Variants in STK3 observed in about 807,000 individuals in gnomAD.
The protein encoded by STK3 is serine/threonine-protein kinase 3.
A neutral mutation model predicts 58.0 loss-of-function variants in STK3; 41 were observed. That is an observed-to-expected ratio of 0.71 (90% CI 0.55 to 0.92). STK3 has a LOEUF of 0.92. Ranked by LOEUF, STK3 falls within the 40% of genes least tolerant of loss-of-function variation. STK3 has a pLI of 0.00. For missense variants in STK3, 479 were observed against 602.7 expected (o/e 0.79, Z 2.15); for synonymous variants, 170 against 191.0 (o/e 0.89, Z 0.91).
In STK3 at chr8:98,781,173, C is replaced by T. The variant is rs1587604064; in HGVS notation, c.27-6354G>A. Among the ~76,000 whole-genome samples the T allele has an allele frequency of 5.9e-5, 9 of 152,278 alleles. No individual in the cohort carries two copies. In the South Asian group the frequency reaches 1.4e-3, roughly 25 times the overall value. Reference sequence around the variant, plus strand: ...GAAGAAATAAGATGAGCCCTGCCATCGCCCAGGCTTTAGATCTAGAGACTA... The same window carrying T: ...GAAGAAATAAGATGAGCCCTGCCATTGCCCAGGCTTTAGATCTAGAGACTA... On this transcript the variant is annotated intron_variant, in intron 1 of 10. Coordinates refer to ENST00000419617, the MANE Select transcript of STK3 (RefSeq NM_006281.4).
chr8:98,832,194 C>T (rs1052272616), intron 3 of STK3, among the ~76,000 whole-genome samples: 10 of 149,464 alleles, frequency 6.7e-5, no homozygotes, highest in Non-Finnish European at 1.0e-4. Context: ...AAGAATGAGA[C>T]GGATTGGCTA....
At chr8:98,882,139 A>C (rs901218028), downstream of STK3, 1 of 152,206 alleles carries the variant, frequency 6.6e-6, no homozygotes, top group Non-Finnish European at 1.5e-5. Context: ...AAATTTATCC[A>C]TGACTTATTC....
intron 4 of STK3, among the ~76,000 whole-genome samples, chr8:98,737,448 A>G (rs1175783467): frequency 1.3e-5 from 2 of 152,224 alleles, no homozygotes; most frequent in African/African-American, 4.8e-5. Flanking sequence ...GTCACACAGG[A>G]TTATTAACTG....
chr8:98,372,707 A>C (rs1463977499), intron 2 of STK3, among the ~76,000 whole-genome samples: 1 of 152,202 alleles, frequency 6.6e-6, no homozygotes, highest in Non-Finnish European at 1.5e-5. Flanking sequence ...CAGTCTGGGG[A>C]ACAGAGGCTC....
At chr8:98,529,689 A>G (rs1826018368) in intron 9 of STK3, among the ~76,000 whole-genome samples, 1 of 152,178 alleles carries the variant, frequency 6.6e-6, no homozygotes, top group African/African-American at 2.4e-5. Context: ...CCATTAGCAA[A>G]ATGTGAGGAA....
At chr8:98,498,883 A>G (rs1231721729) in intron 10 of STK3, among the ~76,000 whole-genome samples, 1 of 152,164 alleles carries the variant, frequency 6.6e-6, no homozygotes, top group African/African-American at 2.4e-5. Context: ...GAGCTGAATA[A>G]TGGTCCCTTG....
chr8:98,410,403 TTATC>T (rs1481831730), intron 3 of STK3, among the ~76,000 whole-genome samples: 22 of 152,312 alleles, frequency 1.4e-4, no homozygotes, highest in Admixed American at 1.2e-3. Flanking sequence ...CTGTGACCCT[TTATC>T]TGTCTGCCTT....
At chr8:98,809,003 T>A (rs1834053580) in intron 1 of STK3, among the ~76,000 whole-genome samples, 1 of 152,130 alleles carries the variant, frequency 6.6e-6, no homozygotes, top group South Asian at 2.1e-4. Context: ...GAAGCCTCCA[T>A]AAAAACCCTA....
intron 6 of STK3, among the ~76,000 whole-genome samples, chr8:98,653,896 C>T (rs1449838253): frequency 6.6e-6 from 1 of 152,162 alleles, no homozygotes; most frequent in African/African-American, 2.4e-5. Context: ...CCTAATTCTA[C>T]CAGAGGTACA....
chr8:98,738,084 T>C (rs983520426), intron 4 of STK3, among the ~76,000 whole-genome samples: 2 of 152,252 alleles, frequency 1.3e-5, no homozygotes, highest in Non-Finnish European at 2.9e-5. Flanking sequence ...TATTCTATGA[T>C]CATGCATTGG....
intron 6 of STK3, among the ~76,000 whole-genome samples, chr8:98,617,785 G>C (rs895167556): frequency 1.3e-5 from 2 of 151,836 alleles, no homozygotes; most frequent in African/African-American, 2.4e-5. Flanking sequence ...TCTCTGAATA[G>C]ACCAATAACA....
intron 3 of STK3, among the ~76,000 whole-genome samples, chr8:98,855,996 A>G (rs547158621): frequency 5.1e-4 from 77 of 152,166 alleles, no homozygotes; most frequent in African/African-American, 1.8e-3. Flanking sequence ...GTCTCTACTA[A>G]AAGTACAAAA....
Position 98,687,227 on chromosome 8 carries a change from G to A in STK3, c.684+19240C>T, listed in dbSNP as rs118135239. Among the ~76,000 whole-genome samples the A allele has an allele frequency of 1.3e-3, 197 of 152,276 alleles. 2 individuals are homozygous for A. Among genetic ancestry groups the A allele is most frequent in the South Asian group, 0.012 (57 of 4,820 alleles). On this transcript the variant is annotated intron_variant, in intron 6 of 10. Transcript: ENST00000419617. Reference sequence around the variant, plus strand: ...AGCAGCAGTCTCCAAACTTTTTGGCGCAAGGAACCGGTTTCGTGGACGACA... The same window carrying A: ...AGCAGCAGTCTCCAAACTTTTTGGCACAAGGAACCGGTTTCGTGGACGACA...
At chr8:98,699,000 C>T (rs568767003) in intron 6 of STK3, among the ~76,000 whole-genome samples, 5 of 152,314 alleles carry the variant, frequency 3.3e-5, no homozygotes, top group Admixed American at 3.3e-4. Context: ...TTCAGGTACA[C>T]AGTGAGATGA....
chr8:98,349,682 C>T, the STK3 span, among the ~76,000 whole-genome samples: 2 of 152,208 alleles, frequency 1.3e-5, no homozygotes, highest in Non-Finnish European at 1.5e-5. Context: ...GCTGAGGTTC[C>T]CAAACCTCAA....
At chr8:98,921,350 G>C (rs1307466945) in intron 1 of STK3, 2 of 152,262 alleles carry the variant, frequency 1.3e-5, no homozygotes, top group African/African-American at 4.8e-5. Context: ...GGGGAGCTCA[G>C]CTACTCTGTA....
At chr8:98,365,990 CAT>C in the STK3 span, among the ~76,000 whole-genome samples, 283 of 152,024 alleles carry the variant, frequency 1.9e-3, 1 homozygote, top group African/African-American at 6.2e-3. Flanking sequence ...ATTTATAAAA[CAT>C]GTACAGGAAT....
chr8:98,406,534 T>C (rs2131033714), intron 3 of STK3, among the ~76,000 whole-genome samples: 1 of 152,298 alleles, frequency 6.6e-6, no homozygotes, highest in East Asian at 1.9e-4. Context: ...GCTAGCACAG[T>C]ACCTGCCCAT....
chr8:98,676,021 A>G (rs1251903040), intron 6 of STK3, among the ~76,000 whole-genome samples: 2 of 152,246 alleles, frequency 1.3e-5, no homozygotes, highest in Non-Finnish European at 2.9e-5. Flanking sequence ...AATACTATTC[A>G]GCCATAAAAA....
Sources: allele counts gnomAD v4.1 joint callset (sites outside exome capture counted in the v4.1 genomes callset), GRCh38; gene constraint gnomAD v4.1.1; transcripts MANE v1.5; gene names NCBI Gene and HGNC (gene_info 2026-07-23, HGNC 2026-07-21).